TTC7A: variants seen among roughly 807,000 people sequenced by gnomAD.
TTC7A encodes the protein tetratricopeptide repeat protein 7A.
TTC7A carries 110 observed loss-of-function variants against 103.7 expected under a neutral mutation model. That is an observed-to-expected ratio of 1.06 (90% confidence interval 0.91 to 1.24). The LOEUF is 1.24. Ranked by LOEUF, TTC7A falls within the 50% of genes most tolerant of loss-of-function variation. The probability of loss-of-function intolerance (pLI) is 0.00; values close to 1 mark genes in which losing one functional copy is unlikely to be tolerated. For missense variants in TTC7A, 1,340 were observed against 1,116.3 expected, an observed-to-expected ratio of 1.20 and a Z score of -2.86; for synonymous variants, 521 against 467.9, an observed-to-expected ratio of 1.11 and a Z score of -1.47.
At position 47,024,319 on chromosome 2, in the gene TTC7A, T is replaced by C. The variant is rs940019530; in HGVS notation, c.1601T>C (p.Val534Ala). ...AQQLAPSDPQ[V>A]ILYVSLQLAL... ...CAGCTGGCGCCCAGTGACCCCCAGGTCATCCTCTATGTCTCGCTGCAGCTG... is the reference window on the plus strand; with the variant it reads ...CAGCTGGCGCCCAGTGACCCCCAGGCCATCCTCTATGTCTCGCTGCAGCTG... The change falls in exon 14 of 20, where the codon GTC becomes GCC. Residue 534 changes from valine to alanine, a missense_variant. Val to Ala is a moderately conservative substitution (Grantham distance 64, BLOSUM62 0). Coordinates refer to ENST00000319190, the MANE Select transcript of TTC7A (RefSeq NM_020458.4). 11 of 1,609,130 alleles carry C rather than the reference T, an allele frequency of 6.8e-6. No homozygotes were observed. The South Asian group carries it at 1.1e-4, about 16-fold the overall frequency.
Position 47,074,638 on chromosome 2 carries a change from A to ACAT in TTC7A, c.*716_*718dup, listed in dbSNP as rs1407361304. ...GTCCTTTCTAATACCCTGAGTCAAC[A>ACAT]CATTACTCCTGCAGGTCTTAGGCTA... On this transcript the variant is annotated 3_prime_UTR_variant, in exon 20 of 20. Transcript: ENST00000319190. The ACAT allele has an allele frequency of 6.6e-6, 1 of 152,550 alleles. No individual in the cohort carries two copies. Among genetic ancestry groups the ACAT allele is most frequent in the African/African-American group, 2.4e-5 (1 of 41,436 alleles). The allele number at this position is 152,550 out of a possible 1,614,324, so 9.4% of individuals were successfully genotyped here.
At chr2:46,958,569 T>C (rs1672099024) in intron 3 of TTC7A, 2 of 1,301,132 alleles carry the variant, frequency 1.5e-6, no homozygotes, top group South Asian at 2.5e-5. Context: ...AGACGGGCGC[T>C]GCCGGCGCGG....
At chr2:47,055,438 C>T (rs142620164) in intron 18 of TTC7A, among the ~76,000 whole-genome samples, 159 of 152,306 alleles carry the variant, frequency 1.0e-3, no homozygotes, top group African/African-American at 3.8e-3. Context: ...ACTTGAGAGA[C>T]GGGCTGCAGG....
At chr2:46,966,058 T>G (rs1672810859) in intron 3 of TTC7A, among the ~76,000 whole-genome samples, 1 of 152,100 alleles carries the variant, frequency 6.6e-6, no homozygotes, top group South Asian at 2.1e-4. Flanking sequence ...CAAGCAATTC[T>G]CCTGCCTCCG....
At chr2:47,068,981 G>T (rs1398710430) in intron 19 of TTC7A, among the ~76,000 whole-genome samples, 3 of 151,630 alleles carry the variant, frequency 2.0e-5, no homozygotes, top group Admixed American at 6.6e-5. Flanking sequence ...TGTGCCTTTG[G>T]CTGTACCTCC....
At chr2:47,013,729 A>G (rs373056163) in intron 11 of TTC7A, among the ~76,000 whole-genome samples, 3 of 152,378 alleles carry the variant, frequency 2.0e-5, no homozygotes, top group African/African-American at 7.2e-5. Flanking sequence ...CCAAATTGAA[A>G]TCAGATGAGT....
At chr2:47,029,044 A>G (rs1680218077) in intron 14 of TTC7A, among the ~76,000 whole-genome samples, 180 bp from the exon 15 acceptor site, 1 of 152,174 alleles carries the variant, frequency 6.6e-6, no homozygotes, top group South Asian at 2.1e-4. Context: ...TGAGTGTGGC[A>G]GCAGACCCCT....
chr2:47,053,162 T>G (rs1206515603), intron 18 of TTC7A, among the ~76,000 whole-genome samples: 5 of 151,982 alleles, frequency 3.3e-5, no homozygotes, highest in Non-Finnish European at 7.4e-5. Context: ...CGGGGTCCCT[T>G]CGGATGCTGG....
chr2:47,050,119 CAG>C, intron 17 of TTC7A, 73 bp downstream of exon 17: 1 of 1,298,772 alleles, frequency 7.7e-7, no homozygotes, highest in African/African-American at 1.4e-5. Context: ...AGCACCAACA[CAG>C]AGAGGGGCCG....
intron 5 of TTC7A, among the ~76,000 whole-genome samples, chr2:46,990,114 T>C (rs1023677442): frequency 3.3e-5 from 5 of 152,238 alleles, no homozygotes; most frequent in Admixed American, 6.5e-5. Flanking sequence ...TTCAGCCTGC[T>C]GCTGTTGGGC....
chr2:46,918,997 T>G (rs953397060), intron 2 of TTC7A, among the ~76,000 whole-genome samples: 5 of 152,200 alleles, frequency 3.3e-5, no homozygotes, highest in Non-Finnish European at 5.9e-5. Context: ...GAGAGGTGGC[T>G]TTATCAGGAG....
intron 15 of TTC7A, among the ~76,000 whole-genome samples, chr2:47,029,697 G>A (rs1266234251): frequency 6.6e-6 from 1 of 152,182 alleles, no homozygotes; most frequent in Non-Finnish European, 1.5e-5. Context: ...TGCCTGCCCT[G>A]GGCTCTGCAT....
chr2:46,972,497 C>G (rs1209783315), intron 3 of TTC7A, among the ~76,000 whole-genome samples: 2 of 152,198 alleles, frequency 1.3e-5, no homozygotes, highest in Non-Finnish European at 2.9e-5. Flanking sequence ...CATTTCTAAG[C>G]TGATGTCTGG....
At chr2:46,919,222 T>C (rs1313375903) in intron 2 of TTC7A, among the ~76,000 whole-genome samples, 2 of 152,200 alleles carry the variant, frequency 1.3e-5, no homozygotes, top group African/African-American at 4.8e-5. Context: ...TAGAAAAATA[T>C]TGAATAAAAA....
At chr2:47,030,148 C>T (rs1680375774) in intron 15 of TTC7A, among the ~76,000 whole-genome samples, 1 of 152,254 alleles carries the variant, frequency 6.6e-6, no homozygotes, top group African/African-American at 2.4e-5. Flanking sequence ...CCACTTCCCC[C>T]TGTTCCACCT....
At chr2:47,060,700 C>G in intron 18 of TTC7A, 69 bp from the exon 19 acceptor site, 7 of 1,451,598 alleles carry the variant, frequency 4.8e-6, no homozygotes, top group Admixed American at 2.0e-5. Context: ...TCTGAGGATG[C>G]AGGGAGGGGG....
At position 46,950,372 on chromosome 2, in the gene TTC7A, G is replaced by C. The variant is rs374016606; in HGVS notation, c.194G>C (p.Gly65Ala). 1.2e-5 allele frequency: 20 copies of C among 1,614,020 alleles called. No homozygotes were observed. The African/African-American group carries it at 2.4e-4, about 19-fold the overall frequency. ...AFTFPDTDDF[G>A]KLLLAEALLE... is the part of the protein sequence containing the mutation. ...CTACTTTGCTTTTCAGATGACTTTG[G>C]GAAATTGCTGCTGGCTGAGGCCCTC... is the stretch of plus-strand genomic sequence containing the variant. Residue 65 changes from glycine to alanine, a missense_variant, in exon 2 of 20, where the codon GGG becomes GCG. Coordinates refer to ENST00000319190, the MANE Select transcript of TTC7A (RefSeq NM_020458.4).
intron 10 of TTC7A, among the ~76,000 whole-genome samples, chr2:47,009,916 G>T (rs1384026902): frequency 7.5e-6 from 1 of 133,434 alleles, no homozygotes; most frequent in Non-Finnish European, 1.6e-5. Context: ...TGGTGGGGGG[G>T]ACAGGGGAGG....
chr2:47,060,825 G>T lies in TTC7A; in HGVS notation c.2209G>T (p.Ala737Ser). 1 of 1,613,802 alleles carries T rather than the reference G, an allele frequency of 6.2e-7. No individual in the cohort carries two copies. The highest frequency in any genetic ancestry group is 8.5e-7 in the Non-Finnish European group (1 of 1,179,730). The change falls in exon 19 of 20, where the codon GCG becomes TCG. Residue 737 changes from alanine to serine, a missense_variant. Coordinates refer to ENST00000319190, the MANE Select transcript of TTC7A (RefSeq NM_020458.4). ...LKEAGFCIQEAAGLFPTSHSV... is the reference protein window; with the variant it reads ...LKEAGFCIQESAGLFPTSHSV... Reference sequence around the variant, plus strand: ...GGAAGCAGGTTTCTGCATCCAGGAGGCGGCGGGCCTCTTCCCCACTTCTCA... The same window carrying T: ...GGAAGCAGGTTTCTGCATCCAGGAGTCGGCGGGCCTCTTCCCCACTTCTCA...
Sources: allele counts gnomAD v4.1 joint callset (sites outside exome capture counted in the v4.1 genomes callset), GRCh38; gene constraint gnomAD v4.1.1; transcripts MANE v1.5; gene names NCBI Gene and HGNC (gene_info 2026-07-23, HGNC 2026-07-21).